Variants in SEMA3E observed in about 807,000 individuals in gnomAD.
The protein encoded by SEMA3E is semaphorin 3E.
A neutral mutation model predicts 93.6 loss-of-function variants in SEMA3E; 49 were observed. The ratio of observed to expected loss-of-function variants is 0.52; its 90% CI spans 0.42 to 0.66. The LOEUF (loss-of-function observed/expected upper bound fraction) is 0.66, where lower values mean the gene tolerates loss of function less well. Ranked by LOEUF, SEMA3E falls within the 30% of genes least tolerant of loss-of-function variation. The probability of loss-of-function intolerance (pLI) is 0.00; values close to 1 mark genes in which losing one functional copy is unlikely to be tolerated. For synonymous variants in SEMA3E, 363 were observed against 330.7 expected (o/e 1.10, Z -1.06); for missense variants, 906 against 964.8 (o/e 0.94, Z 0.81).
intron 1 of SEMA3E, among the ~76,000 whole-genome samples, chr7:83,576,539 T>C (rs986126530): frequency 2.6e-5 from 4 of 152,192 alleles, no homozygotes; most frequent in Non-Finnish European, 5.9e-5. Context: ...TGCAAATGTA[T>C]GTTTTTTTCA....
intron 1 of SEMA3E, among the ~76,000 whole-genome samples, chr7:83,607,670 A>G (rs1348487299): frequency 6.6e-6 from 1 of 152,220 alleles, no homozygotes; most frequent in Non-Finnish European, 1.5e-5. Context: ...TCCCCAAAGA[A>G]GAAGTAAATG....
At chr7:83,607,319 G>T (rs553790535) in intron 1 of SEMA3E, among the ~76,000 whole-genome samples, 9 of 152,128 alleles carry the variant, frequency 5.9e-5, no homozygotes, top group East Asian at 5.8e-4. Context: ...TTTAGGGGTC[G>T]TGTTATCAGC....
intron 7 of SEMA3E, among the ~76,000 whole-genome samples, chr7:83,406,305 A>G (rs1327936459): frequency 1.3e-5 from 2 of 151,944 alleles, no homozygotes; most frequent in Admixed American, 6.6e-5. Context: ...TATTTTGCAG[A>G]TATTAAACAA....
At chr7:83,583,030 T>G (rs532037718) in intron 1 of SEMA3E, among the ~76,000 whole-genome samples, 39 of 152,144 alleles carry the variant, frequency 2.6e-4, no homozygotes, top group African/African-American at 9.4e-4. Context: ...CTTTTCTGAA[T>G]TTGATATAAA....
At chr7:83,510,700 T>C (rs1790800392) in intron 1 of SEMA3E, among the ~76,000 whole-genome samples, 1 of 152,194 alleles carries the variant, frequency 6.6e-6, no homozygotes, top group African/African-American at 2.4e-5. Flanking sequence ...AAAGTTGAGA[T>C]AGAAACTCAC....
chr7:83,640,546 T>G (rs1793986980), intron 1 of SEMA3E, among the ~76,000 whole-genome samples: 1 of 152,216 alleles, frequency 6.6e-6, no homozygotes, highest in African/African-American at 2.4e-5. Context: ...GTAAGCTATT[T>G]ACTTAGTATT....
At position 83,456,870 on chromosome 7, in the gene SEMA3E, T is replaced by C. The variant is rs189410309; in HGVS notation, c.456+9612A>G. Among the ~76,000 whole-genome samples, 423 of 152,234 alleles carry C rather than the reference T, an allele frequency of 2.8e-3. 2 individuals are homozygous for C. Among genetic ancestry groups the C allele is most frequent in the African/African-American group, 8.5e-3 (352 of 41,536 alleles). On this transcript the variant is annotated intron_variant, in intron 4 of 16. Transcript: ENST00000643230. ...CTCAGGTGATCTGTCAGCCTTGGCC[T>C]CCCAAAGTGCTGGGATTACAGGCAA...
At chr7:83,550,366 A>G (rs1416281277) in intron 1 of SEMA3E, among the ~76,000 whole-genome samples, 2 of 152,078 alleles carry the variant, frequency 1.3e-5, no homozygotes, top group South Asian at 2.1e-4. Context: ...GCACCCAGTG[A>G]TATCAGTGGA....
At chr7:83,572,916 T>C (rs1280677350) in intron 1 of SEMA3E, among the ~76,000 whole-genome samples, 7 of 152,058 alleles carry the variant, frequency 4.6e-5, no homozygotes, top group African/African-American at 1.7e-4. Flanking sequence ...AAGTATTAAA[T>C]TACTAGAAAA....
At chr7:83,617,706 A>G (rs1793410856) in intron 1 of SEMA3E, among the ~76,000 whole-genome samples, 1 of 149,726 alleles carries the variant, frequency 6.7e-6, no homozygotes, top group South Asian at 2.1e-4. Context: ...GGAAATTGTA[A>G]ATCACTGTTT....
chr7:83,374,136 G>T (rs1170545316), intron 16 of SEMA3E, among the ~76,000 whole-genome samples: 1 of 149,342 alleles, frequency 6.7e-6, no homozygotes. Flanking sequence ...AACCCAGGAG[G>T]CAGAGGTTGC....
intron 1 of SEMA3E, among the ~76,000 whole-genome samples, chr7:83,506,778 T>A (rs981941702): frequency 2.6e-5 from 4 of 152,136 alleles, no homozygotes; most frequent in Non-Finnish European, 4.4e-5. Context: ...CCACACACAC[T>A]GAGAACAAGA....
chr7:83,424,768 T>C (rs1206383487), intron 4 of SEMA3E: 1 of 159,148 alleles, frequency 6.3e-6, no homozygotes, highest in African/African-American at 2.4e-5. Context: ...ATCACATGGG[T>C]CTTTAAGAGA....
intron 1 of SEMA3E, among the ~76,000 whole-genome samples, chr7:83,507,577 G>A (rs1448955842): frequency 2.6e-5 from 4 of 151,766 alleles, no homozygotes; most frequent in Non-Finnish European, 5.9e-5. Flanking sequence ...CAAGCAGGTG[G>A]TGGAAAAACT....
At chr7:83,601,032 G>GAGGAGC (rs1313036285) in intron 1 of SEMA3E, among the ~76,000 whole-genome samples, 1 of 152,220 alleles carries the variant, frequency 6.6e-6, no homozygotes, top group African/African-American at 2.4e-5. Flanking sequence ...TGTTTTAAGA[G>GAGGAGC]AGGAGCAGGA....
intron 1 of SEMA3E, among the ~76,000 whole-genome samples, chr7:83,511,769 C>A (rs1790825892): frequency 6.6e-6 from 1 of 152,008 alleles, no homozygotes; most frequent in African/African-American, 2.4e-5. Flanking sequence ...GTGGTGGGTG[C>A]CTGTAATCCC....
Position 83,533,386 on chromosome 7 carries a change from A to C in SEMA3E, c.116-43112T>G, listed in dbSNP as rs142756033. ...GCAAAACCCCATCTCTACCGAAAAA[A>C]TACAAAAATTAGCCAGTCATGGTGG... On this transcript the variant is annotated intron_variant, in intron 1 of 16. Transcript: ENST00000643230. 3.1e-3 allele frequency among the ~76,000 whole-genome samples: 478 copies of C among 152,130 alleles called. 3 individuals carry two copies. Among genetic ancestry groups the C allele is most frequent in the African/African-American group, 8.2e-3 (341 of 41,506 alleles).
At chr7:83,493,283 G>A (rs3823898) in intron 1 of SEMA3E, among the ~76,000 whole-genome samples, 18,882 of 151,768 alleles carry the variant, frequency 0.12, 1,356 homozygotes, top group East Asian at 0.21. Flanking sequence ...CCATGTTTAA[G>A]CTTGCCTAAA....
intron 4 of SEMA3E, among the ~76,000 whole-genome samples, chr7:83,460,007 T>G (rs1789576996): frequency 6.6e-6 from 1 of 152,096 alleles, no homozygotes; most frequent in Non-Finnish European, 1.5e-5. Flanking sequence ...CACCCTTATC[T>G]CCCTTCGCTG....
Sources: allele counts gnomAD v4.1 joint callset (sites outside exome capture counted in the v4.1 genomes callset), GRCh38; gene constraint gnomAD v4.1.1; transcripts MANE v1.5; gene names NCBI Gene and HGNC (gene_info 2026-07-23, HGNC 2026-07-21).